GAPVD1: variants seen among roughly 807,000 people sequenced by gnomAD.
GAPVD1 encodes the protein GTPase-activating protein and VPS9 domain-containing protein 1.
In GAPVD1, 35 loss-of-function variants were observed where a neutral mutation model predicts 155.5. The ratio of observed to expected loss-of-function variants is 0.23; its 90% CI spans 0.17 to 0.30. The LOEUF is 0.30. Ranked by LOEUF, GAPVD1 falls within the 10% of genes least tolerant of loss-of-function variation. The pLI is 1.00. For synonymous variants in GAPVD1, 636 were observed against 619.7 expected (o/e 1.03, Z -0.39); for missense variants, 1,429 against 1,775.7 (o/e 0.80, Z 3.51).
intron 2 of GAPVD1, among the ~76,000 whole-genome samples, chr9:125,284,479 CTT>C (rs113448662): frequency 6.9e-6 from 1 of 144,888 alleles, no homozygotes; most frequent in Admixed American, 6.9e-5. Context: ...CGCCTGGCAA[CTT>C]TTTTTTTTTT....
chr9:125,329,465 TTAA>T (rs1327030813), intron 12 of GAPVD1, among the ~76,000 whole-genome samples: 3 of 152,198 alleles, frequency 2.0e-5, no homozygotes, highest in Non-Finnish European at 2.9e-5. Context: ...ATTACTTGAC[TTAA>T]TGATGTGTGT....
At chr9:125,315,386 TAA>T (rs1372438309) in intron 9 of GAPVD1, among the ~76,000 whole-genome samples, 1 of 152,208 alleles carries the variant, frequency 6.6e-6, no homozygotes, top group African/African-American at 2.4e-5. Context: ...TGAATTTTGT[TAA>T]GAGAGCTCTG....
chr9:125,335,137 GTTCCTT>G, intron 15 of GAPVD1: 1 of 740,732 alleles, frequency 1.4e-6, no homozygotes, highest in Non-Finnish European at 2.5e-6. Context: ...CTAACATATT[GTTCCTT>G]TTCCAACTAC....
chr9:125,316,208 T>C (rs1002986341), intron 9 of GAPVD1, among the ~76,000 whole-genome samples: 5 of 152,338 alleles, frequency 3.3e-5, no homozygotes, highest in Admixed American at 3.3e-4. Context: ...TTTTTTATTT[T>C]AATTTTTTTA....
chr9:125,273,846 G>A (rs1052933592), intron 2 of GAPVD1, among the ~76,000 whole-genome samples: 2 of 151,848 alleles, frequency 1.3e-5, no homozygotes, highest in Admixed American at 6.6e-5. Flanking sequence ...TTCTTCTTTT[G>A]CGTATTCACT....
At chr9:125,347,941 T>C (rs1207855140) in intron 20 of GAPVD1, among the ~76,000 whole-genome samples, 2 of 152,188 alleles carry the variant, frequency 1.3e-5, no homozygotes, top group Admixed American at 1.3e-4. Flanking sequence ...ATTGAAAGAA[T>C]AATACAATGA....
chr9:125,360,616 G>A lies in GAPVD1; in HGVS notation c.4133G>A (p.Cys1378Tyr). 6.2e-7 allele frequency: 1 copy of A among 1,613,862 alleles called. No individual in the cohort carries two copies. ...AYKTPRDKVQ[C>Y]ILRMCSTIMN... ...AAAACCCCCCGGGACAAAGTGCAGTGCATCCTGAGAATGTGCTCTACGATT... is the reference window on the plus strand; with the variant it reads ...AAAACCCCCCGGGACAAAGTGCAGTACATCCTGAGAATGTGCTCTACGATT... Residue 1378 changes from cysteine to tyrosine, a missense_variant, in exon 27 of 28, where the codon TGC (cysteine) becomes TAC (tyrosine). Physicochemically the swap from Cys to Tyr is radical, Grantham distance 194. Around this residue, in one of 4 missense-constraint regions of GAPVD1, gnomAD observed 102 missense variants for 196.5 expected, o/e 0.52. Coordinates refer to ENST00000297933, the MANE Select transcript of GAPVD1 (RefSeq NM_001282680.3).
At chr9:125,329,995 A>T in intron 12 of GAPVD1, 83 bp from the exon 13 acceptor site, 1 of 1,127,908 alleles carries the variant, frequency 8.9e-7, no homozygotes, top group Non-Finnish European at 1.3e-6. Context: ...AGATTTTGTT[A>T]GCTAGTGTTT....
At chr9:125,344,317 C>A (rs1480624156) in intron 19 of GAPVD1, among the ~76,000 whole-genome samples, 1 of 152,030 alleles carries the variant, frequency 6.6e-6, no homozygotes, top group Non-Finnish European at 1.5e-5. Flanking sequence ...TTGTATTCTT[C>A]TTTTACCAAG....
chr9:125,338,147 T>A (rs552539488), intron 17 of GAPVD1, among the ~76,000 whole-genome samples: 28 of 152,326 alleles, frequency 1.8e-4, no homozygotes, highest in Non-Finnish European at 3.8e-4. Flanking sequence ...GTTGCTGGGA[T>A]TACAGGCATG....
At chr9:125,325,547 C>T (rs376089942) in intron 11 of GAPVD1, among the ~76,000 whole-genome samples, 106 of 148,784 alleles carry the variant, frequency 7.1e-4, no homozygotes, top group African/African-American at 2.6e-3. Context: ...AAAGATGATG[C>T]CCTCAACTAG....
At chr9:125,272,168 C>T (rs777552838) in intron 2 of GAPVD1, among the ~76,000 whole-genome samples, 18 of 152,010 alleles carry the variant, frequency 1.2e-4, no homozygotes, top group Admixed American at 2.0e-4. Context: ...GGATTACAGG[C>T]GCCTGCCACC....
intron 5 of GAPVD1, among the ~76,000 whole-genome samples, chr9:125,304,463 A>G (rs1841464844): frequency 6.6e-6 from 1 of 152,256 alleles, no homozygotes; most frequent in African/African-American, 2.4e-5. Context: ...ATATTTTCAG[A>G]ATCAGTAAAA....
chr9:125,323,891 T>G lies in GAPVD1; in HGVS notation c.1826T>G (p.Val609Gly). The change falls in exon 11 of 28, where the codon GTT becomes GGT. Residue 609 changes from valine to glycine, a missense_variant. Around this residue, in one of 4 missense-constraint regions of GAPVD1, gnomAD observed 628 missense variants for 733.4 expected, o/e 0.86. Transcript: ENST00000297933. ...GCAGGACCTTCTGGCAGTAATGGAG[T>G]TGAAGCTCTACAGCTGTTAGAACAT... The part of the protein sequence containing the change: ...LGAGPSGSNG[V>G]EALQLLEHEQ... 1 of 1,613,828 alleles carries G rather than the reference T, an allele frequency of 6.2e-7. No homozygotes were observed. The highest frequency in any genetic ancestry group is 1.1e-5 in the South Asian group (1 of 91,074).
intron 23 of GAPVD1, among the ~76,000 whole-genome samples, chr9:125,353,502 T>C (rs1294464969): frequency 6.6e-6 from 1 of 152,186 alleles, no homozygotes; most frequent in Non-Finnish European, 1.5e-5. Flanking sequence ...TCGGGTGTCT[T>C]TTTAGCAGTA....
intron 2 of GAPVD1, 35 bp downstream of exon 2, chr9:125,269,019 ATTT>A (rs570168257): frequency 6.6e-6 from 1 of 151,804 alleles, no homozygotes; most frequent in Admixed American, 6.6e-5. Flanking sequence ...TTTTAAAATA[ATTT>A]TTTTAAGTTT....
Position 125,332,006 on chromosome 9 carries a change from G to T in GAPVD1, c.2254G>T (p.Asp752Tyr). 1 of 1,614,022 alleles carries T rather than the reference G, an allele frequency of 6.2e-7. No individual in the cohort carries two copies. The highest frequency in any genetic ancestry group is 1.3e-5 in the African/African-American group (1 of 75,054). Residue 752 changes from aspartate to tyrosine, a missense_variant, in exon 14 of 28, where the codon GAT (aspartate) becomes TAT (tyrosine). By Grantham distance (160) the Asp-to-Tyr change is radical. Around this residue, in one of 4 missense-constraint regions of GAPVD1, gnomAD observed 699 missense variants for 826.0 expected, o/e 0.85. Coordinates refer to ENST00000297933, the MANE Select transcript of GAPVD1 (RefSeq NM_001282680.3). ...ACTGGGTAGCACATCTGATGATACG[G>T]ATGTCAGGGAGGTCAGTTCCCGCCC... ...SGLGSTSDDT[D>Y]VREVSSRPST...
At chr9:125,336,911 A>G (rs1847103794) in intron 15 of GAPVD1, 107 bp from the exon 16 acceptor site, 16 of 654,496 alleles carry the variant, frequency 2.4e-5, no homozygotes, top group South Asian at 2.3e-4. Flanking sequence ...TCAAGTTCTA[A>G]TGGATCAAAA....
At chr9:125,262,274 G>T (rs1349626413) in intron 1 of GAPVD1, among the ~76,000 whole-genome samples, 1 of 152,208 alleles carries the variant, frequency 6.6e-6, no homozygotes, top group African/African-American at 2.4e-5. Flanking sequence ...GGCCAGAGAC[G>T]AGAGGCCCGG....
Sources: gnomAD v4.1 joint callset for allele counts (sites outside exome capture counted in the v4.1 genomes callset) on GRCh38, gnomAD v4.1.1 for gene constraint, gnomAD v4.1.1 regional missense constraint, MANE v1.5 for transcripts, NCBI Gene and HGNC (gene_info 2026-07-23, HGNC 2026-07-21) for gene names.